Variants in FILIP1 observed in about 807,000 individuals in gnomAD.
FILIP1 encodes filamin-A-interacting protein 1.
Under a neutral mutation model 102.1 loss-of-function variants are expected in FILIP1, and 61 were observed. That is an observed-to-expected ratio of 0.60 (90% confidence interval 0.49 to 0.74). The LOEUF (loss-of-function observed/expected upper bound fraction) is 0.74. Ranked by LOEUF, FILIP1 falls within the 30% of genes least tolerant of loss-of-function variation. FILIP1 has a pLI of 0.00. For missense variants in FILIP1, 1,314 were observed against 1,441.2 expected (o/e 0.91, Z 1.43); for synonymous variants, 491 against 526.9 (o/e 0.93, Z 0.93).
chr6:75,353,630 C>T lies in FILIP1; in HGVS notation c.538G>A (p.Val180Ile), dbSNP rs777670839. The T allele has an allele frequency of 1.9e-6, 3 of 1,614,050 alleles. No individual in the cohort carries two copies. Among genetic ancestry groups the T allele is most frequent in the East Asian group, 2.2e-5 (1 of 44,906 alleles). Residue 180 changes from valine to isoleucine, a missense_variant, in exon 4 of 6, where the codon GTA becomes ATA. Val to Ile is a conservative substitution (Grantham distance 29, BLOSUM62 3). Transcript: ENST00000237172. ...TGCTTCTCGTTCTCTAACTCGTATA[C>T]GGTGCGCCTATGACACTTCTCGGCC... ...LLAEKCHRRT[V>I]YELENEKHKH...
At position 75,314,201 on chromosome 6, in the gene FILIP1, G is replaced by C; in HGVS notation, c.1631C>G (p.Thr544Ser). The C allele has an allele frequency of 1.9e-6, 3 of 1,554,802 alleles. No homozygotes were observed. The highest frequency in any genetic ancestry group is 1.7e-6 in the Non-Finnish European group (2 of 1,161,444). The part of the protein sequence containing the change: ...KVEQGKVMDV[T>S]EKLIEESKKL... Reference sequence around the variant, plus strand: ...CTTACTTTCTTCAATTAGTTTTTCAGTTACATCCATAACTTTTCCTTGTTC... The same window carrying C: ...CTTACTTTCTTCAATTAGTTTTTCACTTACATCCATAACTTTTCCTTGTTC... The change falls in exon 5 of 6, where the codon ACT becomes AGT. Residue 544 changes from threonine to serine, a missense_variant. Physicochemically the swap from Thr to Ser is moderately conservative, Grantham distance 58 (BLOSUM62 1). Around this residue, in one of 3 missense-constraint regions of FILIP1, gnomAD observed 816 missense variants for 913.1 expected, o/e 0.89. Transcript: ENST00000237172.
intron 1 of FILIP1, among the ~76,000 whole-genome samples, chr6:75,461,581 C>T (rs2149750956): frequency 6.6e-6 from 1 of 152,292 alleles, no homozygotes. Context: ...TGATTTGTAA[C>T]ATAGTTTCCC....
At chr6:75,331,407 G>A (rs941451268) in intron 4 of FILIP1, among the ~76,000 whole-genome samples, 9 of 152,128 alleles carry the variant, frequency 5.9e-5, no homozygotes, top group Admixed American at 1.3e-4. Flanking sequence ...ATATAACCAT[G>A]ATTCATTAAT....
intron 4 of FILIP1, among the ~76,000 whole-genome samples, chr6:75,318,059 CT>C (rs1773502613): frequency 6.6e-6 from 1 of 152,074 alleles, no homozygotes; most frequent in South Asian, 2.1e-4. Flanking sequence ...GTGTCCTCTG[CT>C]TAGTATTTCC....
intron 4 of FILIP1, among the ~76,000 whole-genome samples, chr6:75,347,782 C>T (rs896745833): frequency 3.3e-5 from 5 of 152,148 alleles, no homozygotes; most frequent in South Asian, 2.1e-4. Flanking sequence ...ATGACCAACC[C>T]CCTGTTCATA....
chr6:75,376,276 T>C (rs914846939), intron 2 of FILIP1, among the ~76,000 whole-genome samples: 1 of 152,146 alleles, frequency 6.6e-6, no homozygotes, highest in African/African-American at 2.4e-5. Context: ...CCCTAGGGAA[T>C]CTTGTGTTAG....
chr6:75,358,940 T>A (rs932471460), intron 3 of FILIP1, among the ~76,000 whole-genome samples: 8 of 151,616 alleles, frequency 5.3e-5, no homozygotes, highest in Non-Finnish European at 1.2e-4. Flanking sequence ...GCCAGGATGG[T>A]CTCGATCTCC....
chr6:75,457,408 A>G (rs913065839), intron 1 of FILIP1, among the ~76,000 whole-genome samples: 1 of 152,138 alleles, frequency 6.6e-6, no homozygotes, highest in Non-Finnish European at 1.5e-5. Context: ...CCTGTGGCAA[A>G]CCTTCTTTCT....
At chr6:75,367,723 C>A (rs1775385680) in intron 2 of FILIP1, 1 of 152,136 alleles carries the variant, frequency 6.6e-6, no homozygotes, top group African/African-American at 2.4e-5. Flanking sequence ...ATGAAGACGA[C>A]TATGTGATCA....
rs35302698 is a variant in FILIP1 at position 75,324,345 on chromosome 6, CA to C, written c.630-9144del. On this transcript the variant is annotated intron_variant, in intron 4 of 5. Coordinates refer to ENST00000237172, the MANE Select transcript of FILIP1 (RefSeq NM_015687.5). Reference sequence around the variant, plus strand: ...TAAAGCACTTAGAAATATACCTAACCAAAAAAAAAAAAAAAGGAAAGAAATA... The same window carrying C: ...TAAAGCACTTAGAAATATACCTAACCAAAAAAAAAAAAAAGGAAAGAAATA... Among the ~76,000 whole-genome samples the C allele has an allele frequency of 2.5e-3, 266 of 105,342 alleles. 1 individual carries two copies. Among genetic ancestry groups the C allele is most frequent in the East Asian group, 0.017 (60 of 3,586 alleles). The allele number at this position is 105,342 out of a possible 152,430, so 69.1% of individuals were successfully genotyped here. A position where few individuals can be genotyped will look rare whatever the true frequency, so the allele number is the denominator to read the frequency against.
chr6:75,430,547 A>G (rs1206509781), intron 1 of FILIP1, among the ~76,000 whole-genome samples: 1 of 152,154 alleles, frequency 6.6e-6, no homozygotes. Flanking sequence ...ATAAATATAT[A>G]TAATAACAGC....
At chr6:75,432,456 C>G (rs1374919097) in intron 1 of FILIP1, among the ~76,000 whole-genome samples, 1 of 152,148 alleles carries the variant, frequency 6.6e-6, no homozygotes, top group Non-Finnish European at 1.5e-5. Context: ...AGATAAATCA[C>G]AGAGAGAGCT....
At chr6:75,387,520 G>A (rs534797190) in intron 2 of FILIP1, among the ~76,000 whole-genome samples, 40 of 152,234 alleles carry the variant, frequency 2.6e-4, no homozygotes, top group South Asian at 6.2e-4. Context: ...GTGTAAGAGC[G>A]TTCCTATTTC....
chr6:75,440,982 ACTTC>A (rs1191562390), intron 1 of FILIP1, among the ~76,000 whole-genome samples: 3 of 150,436 alleles, frequency 2.0e-5, no homozygotes, highest in Non-Finnish European at 4.4e-5. Flanking sequence ...GAAGAGTAAA[ACTTC>A]CTTTTTTTTT....
intron 1 of FILIP1, chr6:75,465,367 G>T: frequency 2.2e-6 from 1 of 460,588 alleles, no homozygotes; most frequent in Non-Finnish European, 3.9e-6. Context: ...CAGCCCTTTT[G>T]TAAGATTTGT....
chr6:75,452,774 G>A (rs911434789), intron 1 of FILIP1, among the ~76,000 whole-genome samples: 1 of 152,086 alleles, frequency 6.6e-6, no homozygotes, highest in Non-Finnish European at 1.5e-5. Context: ...AGTTATTTTG[G>A]GTGGTGAAAT....
chr6:75,424,887 T>C (rs756291179), intron 1 of FILIP1, among the ~76,000 whole-genome samples: 14 of 152,194 alleles, frequency 9.2e-5, no homozygotes, highest in Non-Finnish European at 1.9e-4. Flanking sequence ...TCTAATCGCC[T>C]GTACACACGT....
chr6:75,314,589 C>A lies in FILIP1; in HGVS notation c.1243G>T (p.Glu415Ter), dbSNP rs751715503. Reference protein sequence around the residue: ...RELRKKLQEEEHHSKELRLEV... With the variant: ...RELRKKLQEE ...AGTCTGAGCTCCTTACTATGGTGTT[C>A]TTCCTCTTGCAGCTTCTTCCTCAAT... is the stretch of plus-strand genomic sequence containing the variant. Residue 415 changes from glutamate (E) to a stop codon, truncating the protein, a stop_gained, in exon 5 of 6, where the codon GAA (glutamate) becomes TAA (stop). Coordinates refer to ENST00000237172, the MANE Select transcript of FILIP1 (RefSeq NM_015687.5). LOFTEE classifies it high-confidence loss of function. 6.2e-7 allele frequency: 1 copy of A among 1,613,904 alleles called. No individual in the cohort carries two copies. Among genetic ancestry groups the A allele is most frequent in the Non-Finnish European group, 8.5e-7 (1 of 1,179,984 alleles).
intron 1 of FILIP1, among the ~76,000 whole-genome samples, chr6:75,477,914 A>G (rs145762699): frequency 6.6e-6 from 1 of 152,350 alleles, no homozygotes; most frequent in African/African-American, 2.4e-5. Flanking sequence ...TTCATTGAAT[A>G]ATGTACTGCT....
Sources: gnomAD v4.1 joint callset for allele counts (sites outside exome capture counted in the v4.1 genomes callset) on GRCh38, gnomAD v4.1.1 for gene constraint, gnomAD v4.1.1 regional missense constraint, MANE v1.5 for transcripts, NCBI Gene and HGNC (gene_info 2026-07-23, HGNC 2026-07-21) for gene names.